Variants in AFF2 observed in about 807,000 individuals in gnomAD.
The protein encoded by AFF2 is AF4/FMR2 family member 2.
AFF2 carries 14 observed loss-of-function variants against 76.9 expected under a neutral mutation model. The ratio of observed to expected loss-of-function variants is 0.18; its 90% confidence interval spans 0.12 to 0.28. The LOEUF is 0.28. Among genes scored for constraint, AFF2 ranks in the 10% least tolerant of loss-of-function variants. AFF2 has a pLI of 1.00. For synonymous variants in AFF2, 398 were observed against 366.7 expected (o/e 1.09, Z -0.98); for missense variants, 868 against 1,001.1 (o/e 0.87, Z 1.79).
At chrX:148,970,202 G>A (rs1387200152) in intron 15 of AFF2, among the ~76,000 whole-genome samples, 6 of 112,133 alleles carry the variant, frequency 5.4e-5, no homozygotes, top group African/African-American at 9.7e-5. Flanking sequence ...GATTGAAACC[G>A]ATATTTCTCC....
intron 4 of AFF2, among the ~76,000 whole-genome samples, chrX:148,829,107 T>A (rs1164591833): frequency 2.7e-5 from 3 of 112,560 alleles, no homozygotes; most frequent in Non-Finnish European, 5.6e-5. Context: ...CAGAATTCCA[T>A]TATTTATTTG....
At chrX:148,914,289 C>T (rs1317625799) in intron 9 of AFF2, among the ~76,000 whole-genome samples, 11 of 109,188 alleles carry the variant, frequency 1.0e-4, no homozygotes, top group East Asian at 2.9e-4. Flanking sequence ...GCAGCTGGGG[C>T]GGGGGGTGGC....
chrX:148,688,762 G>C (rs1462781238), intron 3 of AFF2, among the ~76,000 whole-genome samples: 3 of 107,784 alleles, frequency 2.8e-5, no homozygotes, highest in Non-Finnish European at 5.7e-5. Flanking sequence ...CACCTAGGTT[G>C]TATGGCATCC....
rs2072567111 is a variant in AFF2, at chrX:148,994,200, T to C, written c.*2868T>C. On this transcript the variant is annotated 3_prime_UTR_variant, in exon 21 of 21. Coordinates refer to ENST00000370460, the MANE Select transcript of AFF2 (RefSeq NM_002025.4). The stretch of plus-strand genomic sequence containing the variant: ...TCTCAGCCCTGCAACTTGACCCAGG[T>C]AGGGCCACCACTACGCCTTCACTTG... 1.8e-5 allele frequency: 2 copies of C among 112,090 alleles called. No homozygotes were observed. The highest frequency in any genetic ancestry group is 6.5e-5 in the African/African-American group (2 of 30,692). 9.2% of individuals were successfully genotyped at this position (112,090 alleles called of 1,213,427 possible).
At chrX:148,847,921 A>C (rs1377984660) in intron 7 of AFF2, among the ~76,000 whole-genome samples, 2 of 112,012 alleles carry the variant, frequency 1.8e-5, no homozygotes, top group Non-Finnish European at 3.8e-5. Context: ...TGAAGTGTAC[A>C]CAGTCCAGTA....
At chrX:148,910,194 C>T (rs1478977859) in intron 9 of AFF2, among the ~76,000 whole-genome samples, 3 of 112,461 alleles carry the variant, frequency 2.7e-5, no homozygotes, top group Non-Finnish European at 3.8e-5. Context: ...ATCCACTCTG[C>T]GTAGGAAATT....
intron 1 of AFF2, among the ~76,000 whole-genome samples, chrX:148,602,823 G>GTTTT (rs11446506): frequency 3.0e-5 from 3 of 101,018 alleles, no homozygotes; most frequent in African/African-American, 1.1e-4. Flanking sequence ...CACTTCAAAA[G>GTTTT]TTTTTTTTTT....
chrX:148,548,384 C>G (rs1557238433), intron 1 of AFF2, among the ~76,000 whole-genome samples: 2 of 112,273 alleles, frequency 1.8e-5, no homozygotes, highest in African/African-American at 6.5e-5. Context: ...AATGTCCATC[C>G]ATGTCTAAGG....
At chrX:148,864,395 T>C (rs1456043619) in intron 7 of AFF2, among the ~76,000 whole-genome samples, 2 of 112,093 alleles carry the variant, frequency 1.8e-5, no homozygotes, top group East Asian at 2.8e-4. Context: ...GCATTTCTTT[T>C]GGGCAGGAGA....
intron 1 of AFF2, among the ~76,000 whole-genome samples, chrX:148,555,544 C>T (rs902140594): frequency 3.6e-5 from 4 of 112,137 alleles, no homozygotes; most frequent in African/African-American, 1.3e-4. Flanking sequence ...ATCTGTAACA[C>T]GTTCTGCTTC....
At chrX:148,557,919 G>A (rs1298538632) in intron 1 of AFF2, among the ~76,000 whole-genome samples, 3 of 111,940 alleles carry the variant, frequency 2.7e-5, no homozygotes, top group African/African-American at 9.7e-5. Context: ...TATATTCACA[G>A]AGAGGTTAAA....
intron 3 of AFF2, among the ~76,000 whole-genome samples, chrX:148,682,390 G>A (rs1206506024): frequency 1.8e-5 from 2 of 112,049 alleles, no homozygotes; most frequent in Non-Finnish European, 3.8e-5. Flanking sequence ...AAGGCCTCCT[G>A]CCACCATGGG....
chrX:148,923,246 G>T (rs1557283422), intron 9 of AFF2, among the ~76,000 whole-genome samples: 1 of 108,080 alleles, frequency 9.3e-6, no homozygotes, highest in African/African-American at 3.4e-5. Flanking sequence ...AATTTGAGAT[G>T]GGAGCAATCT....
At chrX:148,837,500 A>G (rs782287113) in intron 4 of AFF2, 147 bp from the exon 5 acceptor site, 8 of 379,226 alleles carry the variant, frequency 2.1e-5, no homozygotes, top group African/African-American at 2.0e-4. Flanking sequence ...CATCTGCTGG[A>G]TGGTCCAAAT....
chrX:148,977,520 G>A lies in AFF2; in HGVS notation c.3405-413G>A, dbSNP rs1004648150. On this transcript the variant is annotated intron_variant, in intron 16 of 20. Coordinates refer to ENST00000370460, the MANE Select transcript of AFF2 (RefSeq NM_002025.4). ...TTATTTACCTAATCTGTCATAAACT[G>A]AACTGAAACTGACATTCTTGTCCAC... Among the ~76,000 whole-genome samples, 3 of 109,539 alleles carry A rather than the reference G, an allele frequency of 2.7e-5. No individual in the cohort carries two copies. In the Admixed American group the frequency reaches 2.9e-4, roughly 11 times the overall value.
At chrX:148,925,866 A>G (rs1329663003) in intron 9 of AFF2, among the ~76,000 whole-genome samples, 1 of 112,228 alleles carries the variant, frequency 8.9e-6, no homozygotes, top group Non-Finnish European at 1.9e-5. Context: ...CAATGGCAAG[A>G]GTTCCATACC....
At chrX:148,853,999 G>A (rs2070760113) in intron 7 of AFF2, among the ~76,000 whole-genome samples, 1 of 112,018 alleles carries the variant, frequency 8.9e-6, no homozygotes, top group South Asian at 3.7e-4. Context: ...TTGGGACTAG[G>A]TCTACCCTTT....
At chrX:148,977,669 T>G (rs1186716236) in intron 16 of AFF2, among the ~76,000 whole-genome samples, 1 of 108,155 alleles carries the variant, frequency 9.2e-6, no homozygotes, top group Non-Finnish European at 1.9e-5. Context: ...TCACGGTAAT[T>G]CCACAGCATT....
chrX:148,553,265 G>A (rs2053015516), intron 1 of AFF2, among the ~76,000 whole-genome samples: 1 of 111,512 alleles, frequency 9.0e-6, no homozygotes. Flanking sequence ...TATAATACAA[G>A]CCACATCTAC....
Sources: gnomAD v4.1 joint callset for allele counts (sites outside exome capture counted in the v4.1 genomes callset) on GRCh38, gnomAD v4.1.1 for gene constraint, MANE v1.5 for transcripts, NCBI Gene and HGNC (gene_info 2026-07-23, HGNC 2026-07-21) for gene names.